Variants in WT1 observed in about 807,000 individuals in gnomAD.
The protein encoded by WT1 is Wilms tumor protein.
WT1 carries 8 observed loss-of-function variants against 60.8 expected under a neutral mutation model. The ratio of observed to expected loss-of-function variants is 0.13; its 90% confidence interval spans 0.08 to 0.24. The LOEUF is 0.24. WT1 is among the 10% of genes least tolerant of loss of function. The probability of loss-of-function intolerance (pLI) is 1.00; values close to 1 mark genes in which losing one functional copy is unlikely to be tolerated. For missense variants in WT1, 568 were observed against 711.8 expected, an observed-to-expected ratio of 0.80 and a Z score of 2.30; for synonymous variants, 312 against 297.1, an observed-to-expected ratio of 1.05 and a Z score of -0.52.
At chr11:32,392,839 C>T (rs1179772901) in intron 7 of WT1, 84 bp from the exon 8 acceptor site, 6 of 1,290,136 alleles carry the variant, frequency 4.7e-6, no homozygotes, top group Non-Finnish European at 4.4e-6. Context: ...TAGGACTGAA[C>T]AGATCCCAAA....
chr11:32,388,363 T>C lies in WT1; in HGVS notation c.*695A>G, dbSNP rs1851720607. On this transcript the variant is annotated 3_prime_UTR_variant, in exon 10 of 10. Coordinates refer to ENST00000452863, the MANE Select transcript of WT1 (RefSeq NM_024426.6). ...CAAAAAAATCTCAGATCTTCATAGT[T>C]TCTTAAGAGCAGTGTGCCAGTGTTC... 4.3e-6 allele frequency: 1 copy of C among 233,510 alleles called. No individual in the cohort carries two copies. Among genetic ancestry groups the C allele is most frequent in the Non-Finnish European group, 8.5e-6 (1 of 118,222 alleles). The allele number at this position is 233,510 out of a possible 1,614,324, so 14.5% of individuals were successfully genotyped here. A position where few individuals can be genotyped will look rare whatever the true frequency, so the allele number is the denominator to read the frequency against.
intron 5 of WT1, among the ~76,000 whole-genome samples, chr11:32,402,774 C>T (rs1432548229): frequency 2.0e-5 from 3 of 152,218 alleles, no homozygotes; most frequent in African/African-American, 7.2e-5. Flanking sequence ...TGGTCTCAAA[C>T]TCCTGGGCTC....
At chr11:32,428,085 G>T in intron 2 of WT1, 27 bp from the exon 3 acceptor site, 1 of 1,573,778 alleles carries the variant, frequency 6.4e-7, no homozygotes, top group South Asian at 1.2e-5. Context: ...AGACAGCTGA[G>T]CGAGTGCGCC....
intron 1 of WT1, among the ~76,000 whole-genome samples, chr11:32,429,986 A>AG (rs201954281): frequency 0.3 from 45,182 of 148,644 alleles, 9,511 homozygotes; most frequent in African/African-American, 0.59. Context: ...CAGAAAAAAA[A>AG]AAAAAGAAAA....
At chr11:32,413,850 G>T (rs543632871) in intron 5 of WT1, among the ~76,000 whole-genome samples, 35 of 152,218 alleles carry the variant, frequency 2.3e-4, no homozygotes, top group South Asian at 8.3e-4. Flanking sequence ...TAGGGCCCAG[G>T]TCCTGGAGTC....
At chr11:32,397,325 G>A (rs1330702436) in intron 6 of WT1, among the ~76,000 whole-genome samples, 1 of 151,994 alleles carries the variant, frequency 6.6e-6, no homozygotes, top group Admixed American at 6.5e-5. Flanking sequence ...TTTTGGTTTT[G>A]TTTGTTCTTA....
intron 5 of WT1, among the ~76,000 whole-genome samples, chr11:32,401,267 A>T (rs966449569): frequency 2.0e-5 from 3 of 152,216 alleles, no homozygotes; most frequent in African/African-American, 7.2e-5. Context: ...ATGTAGTATG[A>T]TTGCATTTCT....
chr11:32,425,241 G>T (rs896097336), intron 3 of WT1, among the ~76,000 whole-genome samples: 4 of 150,160 alleles, frequency 2.7e-5, no homozygotes, highest in East Asian at 1.9e-4. Flanking sequence ...GGGAGAAAAA[G>T]CTGGGCAGTC....
intron 5 of WT1, among the ~76,000 whole-genome samples, chr11:32,407,895 A>G (rs1369276346): frequency 6.6e-6 from 1 of 152,140 alleles, no homozygotes; most frequent in African/African-American, 2.4e-5. Context: ...AAAGAAAATA[A>G]AAAAAGAAAC....
At chr11:32,414,430 G>A (rs947934975) in intron 5 of WT1, among the ~76,000 whole-genome samples, 8 of 152,178 alleles carry the variant, frequency 5.3e-5, no homozygotes, top group African/African-American at 1.9e-4. Flanking sequence ...GTGCCACCAC[G>A]TCTGGCTAAT....
intron 5 of WT1, among the ~76,000 whole-genome samples, chr11:32,407,377 C>T (rs961449831): frequency 2.0e-5 from 3 of 151,982 alleles, no homozygotes; most frequent in African/African-American, 7.3e-5. Context: ...ATGAGGAAAA[C>T]CAGAGCCGCC....
chr11:32,421,759 C>T (rs1852862836), intron 3 of WT1, among the ~76,000 whole-genome samples: 1 of 152,124 alleles, frequency 6.6e-6, no homozygotes, highest in African/African-American at 2.4e-5. Flanking sequence ...GATGAGAACT[C>T]CTCCACTCTT....
intron 3 of WT1, among the ~76,000 whole-genome samples, chr11:32,427,013 C>G (rs904989506): frequency 6.6e-6 from 1 of 152,164 alleles, no homozygotes; most frequent in African/African-American, 2.4e-5. Context: ...CGGGTCCCCG[C>G]GCGGAGGGGA....
intron 1 of WT1, 30 bp from the exon 2 acceptor site, chr11:32,428,649 TCAGCGGTGCTCTCGCAAGACGGGG>T: frequency 6.2e-7 from 1 of 1,607,266 alleles, no homozygotes. Flanking sequence ...AAGCACAGTG[TCAGCGGTGCTCTCGCAAGACGGGG>T]CAGTGGGTCT....
At chr11:32,431,037 G>C (rs556637971) in intron 1 of WT1, among the ~76,000 whole-genome samples, 1 of 151,946 alleles carries the variant, frequency 6.6e-6, no homozygotes, top group Non-Finnish European at 1.5e-5. Flanking sequence ...CCTTTCCCAC[G>C]GTTAGTCCCG....
At chr11:32,398,693 C>T (rs564170611) in intron 6 of WT1, among the ~76,000 whole-genome samples, 66 of 152,136 alleles carry the variant, frequency 4.3e-4, no homozygotes, top group South Asian at 1.7e-3. Context: ...GTTTCCCCAT[C>T]CATGAAATGG....
At chr11:32,392,616 C>T (rs2132918527) in intron 8 of WT1, 50 bp downstream of exon 8, 1 of 1,563,440 alleles carries the variant, frequency 6.4e-7, no homozygotes, top group Non-Finnish European at 8.8e-7. Flanking sequence ...TGAAATCAAC[C>T]CTAGCCCAAG....
intron 1 of WT1, chr11:32,428,994 T>G: frequency 5.8e-6 from 2 of 341,992 alleles, no homozygotes; most frequent in East Asian, 7.0e-5. Flanking sequence ...ACTGCAGCTC[T>G]TCCGCAGGAG....
chr11:32,429,782 G>A (rs1011725660), intron 1 of WT1, among the ~76,000 whole-genome samples: 5 of 152,032 alleles, frequency 3.3e-5, no homozygotes, highest in Non-Finnish European at 5.9e-5. Context: ...ACTGCCCTGG[G>A]TCTCCAAACT....
Sources: allele counts gnomAD v4.1 joint callset (sites outside exome capture counted in the v4.1 genomes callset), GRCh38; gene constraint gnomAD v4.1.1; transcripts MANE v1.5; gene names NCBI Gene and HGNC (gene_info 2026-07-23, HGNC 2026-07-21).